RAB3C: variants seen among roughly 807,000 people sequenced by gnomAD.
RAB3C encodes the protein RAB3C, member RAS oncogene family.
In RAB3C, 17 loss-of-function variants were observed where a neutral mutation model predicts 26.4. That is an observed-to-expected ratio of 0.64 (90% CI 0.44 to 0.97). RAB3C has a LOEUF of 0.97. Ranked by LOEUF, RAB3C falls within the 50% of genes least tolerant of loss-of-function variation. RAB3C has a pLI of 0.00. For synonymous variants in RAB3C, 91 were observed against 95.9 expected (o/e 0.95, Z 0.30); for missense variants, 242 against 281.9 (o/e 0.86, Z 1.01).
At chr5:58,746,050 C>A (rs1466379538) in intron 3 of RAB3C, among the ~76,000 whole-genome samples, 1 of 152,140 alleles carries the variant, frequency 6.6e-6, no homozygotes, top group Non-Finnish European at 1.5e-5. Context: ...AGAGACTAAT[C>A]AAATTAAGAC....
At chr5:58,708,167 A>G (rs746596463) in intron 2 of RAB3C, among the ~76,000 whole-genome samples, 3 of 151,740 alleles carry the variant, frequency 2.0e-5, no homozygotes, top group Non-Finnish European at 4.4e-5. Flanking sequence ...ATTTGTTTAC[A>G]TTTTGTAGAG....
At chr5:58,609,437 A>G (rs1746647364) in intron 1 of RAB3C, among the ~76,000 whole-genome samples, 1 of 152,184 alleles carries the variant, frequency 6.6e-6, no homozygotes, top group Non-Finnish European at 1.5e-5. Flanking sequence ...GGGGATGCTA[A>G]TGGTTGAACT....
At chr5:58,614,895 A>G (rs1746792327) in intron 1 of RAB3C, among the ~76,000 whole-genome samples, 1 of 152,166 alleles carries the variant, frequency 6.6e-6, no homozygotes, top group East Asian at 1.9e-4. Context: ...CCTAAATAAT[A>G]CAGAATAATA....
intron 3 of RAB3C, among the ~76,000 whole-genome samples, chr5:58,752,711 A>G (rs1224111645): frequency 6.6e-6 from 1 of 152,202 alleles, no homozygotes; most frequent in Non-Finnish European, 1.5e-5. Context: ...TGGGGGAATT[A>G]TAGAGATCTG....
At chr5:58,648,604 C>G (rs888637663) in intron 2 of RAB3C, among the ~76,000 whole-genome samples, 1 of 152,076 alleles carries the variant, frequency 6.6e-6, no homozygotes, top group Non-Finnish European at 1.5e-5. Flanking sequence ...TGAAAAGAAC[C>G]TAAAGGTCTT....
intron 3 of RAB3C, among the ~76,000 whole-genome samples, chr5:58,812,755 A>G (rs1271259663): frequency 6.6e-6 from 1 of 152,212 alleles, no homozygotes; most frequent in Non-Finnish European, 1.5e-5. Context: ...TGGTTTTGAG[A>G]TAATATATCA....
chr5:58,766,758 A>G (rs1387863639), intron 3 of RAB3C, among the ~76,000 whole-genome samples: 1 of 152,158 alleles, frequency 6.6e-6, no homozygotes, highest in Non-Finnish European at 1.5e-5. Context: ...TCGTTAGATA[A>G]AGGCATGGTG....
At chr5:58,633,689 G>A (rs1485587995) in intron 2 of RAB3C, among the ~76,000 whole-genome samples, 2 of 151,964 alleles carry the variant, frequency 1.3e-5, no homozygotes, top group African/African-American at 2.4e-5. Context: ...AAGGGTTATG[G>A]GCTGGACATT....
rs3060342 is a variant in RAB3C, at chr5:58,761,063, T to TCACACACA, written c.371+34962_371+34969dup. 4.2e-3 allele frequency among the ~76,000 whole-genome samples: 615 copies of TCACACACA among 144,820 alleles called. 4 individuals are homozygous for TCACACACA. Among genetic ancestry groups the TCACACACA allele is most frequent in the Middle Eastern group, 0.014 (4 of 286 alleles). ...CTCTCTCTCTCCCTCTCTCTCTCTC[T>TCACACACA]CACACACACACACACACACACACAC... On this transcript the variant is annotated intron_variant, in intron 3 of 4. Coordinates refer to ENST00000282878, the MANE Select transcript of RAB3C (RefSeq NM_138453.4).
At chr5:58,689,541 G>C (rs1194249821) in intron 2 of RAB3C, among the ~76,000 whole-genome samples, 6 of 152,176 alleles carry the variant, frequency 3.9e-5, no homozygotes, top group Admixed American at 3.9e-4. Flanking sequence ...TATGGCCCAG[G>C]TTAATTTCTG....
chr5:58,801,419 A>G (rs889730595), intron 3 of RAB3C, among the ~76,000 whole-genome samples: 2 of 152,236 alleles, frequency 1.3e-5, no homozygotes, highest in Non-Finnish European at 2.9e-5. Context: ...GTATGACATG[A>G]GAACTGATGG....
At position 58,858,296 on chromosome 5, in the gene RAB3C, G is replaced by A. The variant is rs551586065; in HGVS notation, c.*6945G>A. 1.3e-4 allele frequency: 20 copies of A among 152,288 alleles called. No homozygotes were observed. The highest frequency in any genetic ancestry group is 4.3e-4 in the African/African-American group (18 of 41,570). 9.4% of individuals were successfully genotyped at this position (152,288 alleles called of 1,614,324 possible). A position where few individuals can be genotyped will look rare whatever the true frequency, so the allele number is the denominator to read the frequency against. On this transcript the variant is annotated 3_prime_UTR_variant, in exon 5 of 5. Transcript: ENST00000282878. ...CAAGTGAAGGTGGGTAAAATAGGGA[G>A]ATTAGTGACAACTTTGTGCCAAATT...
At chr5:58,784,464 T>C (rs1263823879) in intron 3 of RAB3C, among the ~76,000 whole-genome samples, 1 of 152,100 alleles carries the variant, frequency 6.6e-6, no homozygotes, top group Non-Finnish European at 1.5e-5. Flanking sequence ...CTTTACCTCC[T>C]ATGGGTCCCT....
intron 4 of RAB3C, among the ~76,000 whole-genome samples, chr5:58,839,734 T>A (rs1017546475): frequency 4.6e-5 from 7 of 152,130 alleles, no homozygotes; most frequent in Non-Finnish European, 1.0e-4. Flanking sequence ...TTTCACAAGT[T>A]TTTATTATGT....
At chr5:58,780,645 G>A (rs1171426551) in intron 3 of RAB3C, among the ~76,000 whole-genome samples, 1 of 152,022 alleles carries the variant, frequency 6.6e-6, no homozygotes, top group African/African-American at 2.4e-5. Flanking sequence ...TGCTTACAAT[G>A]CATTCAGCAA....
At chr5:58,795,928 A>G (rs1742637276) in intron 3 of RAB3C, among the ~76,000 whole-genome samples, 1 of 152,216 alleles carries the variant, frequency 6.6e-6, no homozygotes, top group Non-Finnish European at 1.5e-5. Flanking sequence ...TAAGGTTAAC[A>G]GCACATTGTT....
intron 1 of RAB3C, among the ~76,000 whole-genome samples, chr5:58,612,487 GGTGTGTGTGTGT>G (rs372157686): frequency 1.8e-5 from 2 of 113,048 alleles, no homozygotes; most frequent in Middle Eastern, 4.1e-3. Context: ...TGTGTTCCTA[GGTGTGTGTGTGT>G]GTGTGTGTGT....
At chr5:58,649,377 A>C (rs1199977206) in intron 2 of RAB3C, among the ~76,000 whole-genome samples, 2 of 151,968 alleles carry the variant, frequency 1.3e-5, no homozygotes, top group Admixed American at 1.3e-4. Context: ...ACTCACTGGC[A>C]CTAACTTGCT....
In RAB3C at chr5:58,693,334, G is replaced by GTATATA. The variant is rs1478527340; in HGVS notation, c.253-32667_253-32666insATATAT. Among the ~76,000 whole-genome samples, 430 of 83,806 alleles carry GTATATA rather than the reference G, an allele frequency of 5.1e-3. 26 individuals carry two copies. The highest frequency in any genetic ancestry group is 0.019 in the African/African-American group (398 of 21,486). 55.0% of individuals were successfully genotyped at this position (83,806 alleles called of 152,430 possible). ...TAAAATTAAGAAATTATATATATAT[G>GTATATA]TGTATATATATATATATATATATAT... On this transcript the variant is annotated intron_variant, in intron 2 of 4. Coordinates refer to ENST00000282878, the MANE Select transcript of RAB3C (RefSeq NM_138453.4).
Sources: allele counts gnomAD v4.1 joint callset (sites outside exome capture counted in the v4.1 genomes callset), GRCh38; gene constraint gnomAD v4.1.1; transcripts MANE v1.5; gene names NCBI Gene and HGNC (gene_info 2026-07-23, HGNC 2026-07-21).